SAMD12: variants seen among roughly 807,000 people sequenced by gnomAD.
SAMD12 encodes sterile alpha motif domain-containing protein 12.
Under a neutral mutation model 15.0 loss-of-function variants are expected in SAMD12, and 9 were observed. The observed-to-expected ratio is 0.60, with a 90% confidence interval of 0.36 to 1.05. The LOEUF (loss-of-function observed/expected upper bound fraction) is 1.05, where lower values mean the gene tolerates loss of function less well. Ranked by LOEUF, SAMD12 falls within the 50% of genes least tolerant of loss-of-function variation. The pLI is 0.01. For missense variants in SAMD12, 230 were observed against 234.2 expected (o/e 0.98, Z 0.12); for synonymous variants, 86 against 90.1 (o/e 0.96, Z 0.25).
At chr8:118,248,640 T>A (rs1158915619) in intron 4 of SAMD12, among the ~76,000 whole-genome samples, 16 of 151,880 alleles carry the variant, frequency 1.1e-4, no homozygotes, top group Non-Finnish European at 7.4e-5. Flanking sequence ...ACTTTTTTTT[T>A]TATACATCAG....
chr8:118,212,380 T>C (rs1345985654), intron 4 of SAMD12, among the ~76,000 whole-genome samples: 2 of 152,182 alleles, frequency 1.3e-5, no homozygotes, highest in African/African-American at 4.8e-5. Flanking sequence ...CTTTTTATAG[T>C]CCCGCATCAG....
At chr8:118,558,411 G>A (rs1826605452) in intron 2 of SAMD12, among the ~76,000 whole-genome samples, 1 of 152,072 alleles carries the variant, frequency 6.6e-6, no homozygotes, top group Admixed American at 6.5e-5. Context: ...TAGGTGTATG[G>A]AACTTTAGAA....
At chr8:118,536,443 A>AACACACACACAC (rs1165508519) in intron 2 of SAMD12, among the ~76,000 whole-genome samples, 2,352 of 140,724 alleles carry the variant, frequency 0.017, 26 homozygotes, top group Middle Eastern at 0.045. Context: ...CTGATACACA[A>AACACACACACAC]ACACACACAC....
intron 4 of SAMD12, among the ~76,000 whole-genome samples, chr8:118,307,080 A>C (rs1037913389): frequency 6.6e-6 from 1 of 152,220 alleles, no homozygotes; most frequent in African/African-American, 2.4e-5. Flanking sequence ...TTGGGTATTA[A>C]TAAAGTCAGT....
intron 3 of SAMD12, among the ~76,000 whole-genome samples, chr8:118,435,535 G>A (rs1822555222): frequency 6.6e-6 from 1 of 152,030 alleles, no homozygotes; most frequent in Non-Finnish European, 1.5e-5. Context: ...TATCTTCTGG[G>A]CACAATAAAA....
At chr8:118,163,565 T>G in the SAMD12 span, among the ~76,000 whole-genome samples, 2 of 152,174 alleles carry the variant, frequency 1.3e-5, no homozygotes, top group Admixed American at 6.5e-5. Context: ...AAGCAGAATC[T>G]GAGGTTAGAG....
At chr8:118,574,492 A>T (rs1249070946) in intron 2 of SAMD12, among the ~76,000 whole-genome samples, 1 of 152,180 alleles carries the variant, frequency 6.6e-6, no homozygotes, top group Admixed American at 6.5e-5. Flanking sequence ...TCTGAGTCTC[A>T]TCTCCCTAAC....
At chr8:118,365,622 C>T (rs1349600694) in intron 4 of SAMD12, among the ~76,000 whole-genome samples, 5 of 152,034 alleles carry the variant, frequency 3.3e-5, no homozygotes, top group Non-Finnish European at 5.9e-5. Flanking sequence ...CCAGCTTTCC[C>T]GGTTCTTCCG....
At chr8:118,586,618 C>A (rs141479778) in intron 1 of SAMD12, among the ~76,000 whole-genome samples, 257 of 152,304 alleles carry the variant, frequency 1.7e-3, no homozygotes, top group Non-Finnish European at 1.8e-3. Context: ...CCTGGGAACA[C>A]AAGCATCAGC....
At chr8:118,277,290 T>C (rs1315976700) in intron 4 of SAMD12, among the ~76,000 whole-genome samples, 2 of 152,166 alleles carry the variant, frequency 1.3e-5, no homozygotes, top group East Asian at 1.9e-4. Context: ...AGTGCCAGTG[T>C]TTGTTATCTC....
intron 3 of SAMD12, among the ~76,000 whole-genome samples, chr8:118,407,985 C>T (rs954941232): frequency 6.6e-6 from 1 of 152,166 alleles, no homozygotes; most frequent in Non-Finnish European, 1.5e-5. Context: ...GATTCGAGCT[C>T]TTAAAGTTGA....
intron 4 of SAMD12, among the ~76,000 whole-genome samples, chr8:118,355,272 G>T (rs1002688644): frequency 6.6e-6 from 1 of 152,182 alleles, no homozygotes; most frequent in Non-Finnish European, 1.5e-5. Context: ...TATTCTAAGT[G>T]AAGTAACTCA....
At chr8:118,276,956 C>T (rs1035725801) in intron 4 of SAMD12, among the ~76,000 whole-genome samples, 17 of 152,194 alleles carry the variant, frequency 1.1e-4, no homozygotes, top group South Asian at 2.1e-4. Context: ...TATAGGTGTG[C>T]GCCACTCACA....
chr8:118,165,105 G>A, the SAMD12 span, among the ~76,000 whole-genome samples: 1 of 151,718 alleles, frequency 6.6e-6, no homozygotes, highest in Admixed American at 6.6e-5. Flanking sequence ...GATCCCACAG[G>A]TTAAGGGCTC....
intron 2 of SAMD12, among the ~76,000 whole-genome samples, chr8:118,450,164 T>C (rs1823036976): frequency 6.6e-6 from 1 of 152,212 alleles, no homozygotes. Flanking sequence ...GATGCTTGTA[T>C]GCAACGCTGG....
chr8:118,334,322 T>G (rs1177936538), intron 4 of SAMD12, among the ~76,000 whole-genome samples: 1 of 152,126 alleles, frequency 6.6e-6, no homozygotes, highest in Non-Finnish European at 1.5e-5. Flanking sequence ...AGTATCTCTT[T>G]GGTGCATGAA....
At chr8:118,201,496 A>G (rs748546454) in intron 4 of SAMD12, among the ~76,000 whole-genome samples, 2 of 152,200 alleles carry the variant, frequency 1.3e-5, no homozygotes, top group Admixed American at 1.3e-4. Context: ...TAATGTATCC[A>G]TCGTTCCTCC....
At chr8:118,226,867 G>T (rs1284065796) in intron 4 of SAMD12, among the ~76,000 whole-genome samples, 2 of 152,150 alleles carry the variant, frequency 1.3e-5, no homozygotes, top group Non-Finnish European at 2.9e-5. Flanking sequence ...TTGGATGTGT[G>T]TGTGTAGAAA....
intron 4 of SAMD12, among the ~76,000 whole-genome samples, chr8:118,272,033 T>C (rs1813366413): frequency 6.6e-6 from 1 of 152,148 alleles, no homozygotes; most frequent in African/African-American, 2.4e-5. Context: ...CAGTGGGGAC[T>C]CTGTGTGGGG....
Sources: gnomAD v4.1 joint callset for allele counts (sites outside exome capture counted in the v4.1 genomes callset) on GRCh38, gnomAD v4.1.1 for gene constraint, MANE v1.5 for transcripts, NCBI Gene and HGNC (gene_info 2026-07-23, HGNC 2026-07-21) for gene names.